The following CMTM4 variants were observed in gnomAD, a reference collection of about 807,000 sequenced individuals.
The protein encoded by CMTM4 is CKLF like MARVEL transmembrane domain containing 4.
CMTM4 carries 8 observed loss-of-function variants against 19.0 expected under a neutral mutation model. That is an observed-to-expected ratio of 0.42 (90% CI 0.25 to 0.76). The LOEUF is 0.76. Ranked by LOEUF, CMTM4 falls within the 30% of genes least tolerant of loss-of-function variation. The pLI is 0.27. For missense variants in CMTM4, 228 were observed against 290.2 expected, an observed-to-expected ratio of 0.79 and a Z score of 1.56; for synonymous variants, 106 against 121.1, an observed-to-expected ratio of 0.88 and a Z score of 0.82.
chr16:66,617,290 C>CAGTG lies in CMTM4; in HGVS notation c.*4764_*4767dup, dbSNP rs756246742. 169 of 1,613,984 alleles carry CAGTG rather than the reference C, an allele frequency of 1.0e-4. 1 individual carries two copies. The East Asian group carries it at 3.7e-3, about 36-fold the overall frequency. On this transcript the variant is annotated 3_prime_UTR_variant, in exon 4 of 4. Coordinates refer to ENST00000394106, the MANE Select transcript of CMTM4 (RefSeq NM_181521.3). ...ATCTGAACTTTTCTAGGCAAGTTGC[C>CAGTG]AGTGATTCAAACTCAGCAGGTTTGT...
intron 1 of CMTM4, among the ~76,000 whole-genome samples, chr16:66,683,161 G>GTATATATATATACATATA (rs2016956388): frequency 1.2e-5 from 1 of 81,504 alleles, no homozygotes; most frequent in Non-Finnish European, 2.4e-5. Context: ...ATATATATAC[G>GTATATATATATACATATA]TATATATATA....
chr16:66,630,754 C>T (rs541951882), intron 2 of CMTM4, among the ~76,000 whole-genome samples: 63 of 151,926 alleles, frequency 4.1e-4, no homozygotes, highest in African/African-American at 1.4e-3. Context: ...TCTGCCCGGC[C>T]GCCCATCGTC....
Position 66,615,299 on chromosome 16 carries a change from T to C in CMTM4, c.*6759A>G, listed in dbSNP as rs1596894084. 1 of 152,234 alleles carries C rather than the reference T, an allele frequency of 6.6e-6. No individual in the cohort carries two copies. Among genetic ancestry groups the C allele is most frequent in the Admixed American group, 6.5e-5 (1 of 15,286 alleles). 9.4% of individuals were successfully genotyped at this position (152,234 alleles called of 1,614,324 possible). On this transcript the variant is annotated 3_prime_UTR_variant, in exon 4 of 4. Transcript: ENST00000394106. This position sits in a 1 kb window ranked among gnomAD's most constrained non-coding sequence, Gnocchi z 4.9. Reference sequence around the variant, plus strand: ...CTTCCTTGGTTATCAAATAATTACATATTCTGACCCTTCAGAAGGACACCA... The same window carrying C: ...CTTCCTTGGTTATCAAATAATTACACATTCTGACCCTTCAGAAGGACACCA...
At chr16:66,656,066 A>G (rs904715322) in intron 1 of CMTM4, among the ~76,000 whole-genome samples, 1 of 152,260 alleles carries the variant, frequency 6.6e-6, no homozygotes, top group South Asian at 2.1e-4. Flanking sequence ...GATTGTGCCA[A>G]TGCATTCTAG....
At chr16:66,609,554 G>C in the CMTM4 span, 14 of 1,569,822 alleles carry the variant, frequency 8.9e-6, no homozygotes, top group Non-Finnish European at 1.2e-5. The surrounding 1 kb of genome is among the most constrained non-coding windows in gnomAD (Gnocchi z 4.4). Context: ...CCACCCCTCT[G>C]GAAACTGCAG....
Position 66,652,791 on chromosome 16 carries a change from G to A in CMTM4, c.187-16210C>T, listed in dbSNP as rs35647827. Among the ~76,000 whole-genome samples, 1,360 of 152,300 alleles carry A rather than the reference G, an allele frequency of 8.9e-3. 14 individuals are homozygous for A. The highest frequency in any genetic ancestry group is 0.048 in the Middle Eastern group (14 of 294). On this transcript the variant is annotated intron_variant, in intron 1 of 3. Coordinates refer to ENST00000394106, the MANE Select transcript of CMTM4 (RefSeq NM_181521.3). ...AAGAAAATCCAGAAATCCTTATTAT[G>A]TGGTTTGATGATATAACTGCACATG...
chr16:66,609,462 C>T, the CMTM4 span: 4 of 1,613,064 alleles, frequency 2.5e-6, no homozygotes, highest in Non-Finnish European at 3.4e-6. This position sits in a 1 kb window ranked among gnomAD's most constrained non-coding sequence, Gnocchi z 4.4. Context: ...CACCGCGGCC[C>T]TCATCTACTT....
chr16:66,659,228 A>T (rs1177070445), intron 1 of CMTM4, among the ~76,000 whole-genome samples: 2 of 152,084 alleles, frequency 1.3e-5, no homozygotes, highest in African/African-American at 4.8e-5. Flanking sequence ...TACAAAAATT[A>T]GCTGGGCATG....
In CMTM4 at chr16:66,621,493, G is replaced by C; in HGVS notation, c.*565C>G. 3.0e-6 allele frequency: 3 copies of C among 986,140 alleles called. No individual in the cohort carries two copies. Among genetic ancestry groups the C allele is most frequent in the Non-Finnish European group, 3.6e-6 (3 of 830,136 alleles). The allele number at this position is 986,140 out of a possible 1,614,324, so 61.1% of individuals were successfully genotyped here. A position where few individuals can be genotyped will look rare whatever the true frequency, so the allele number is the denominator to read the frequency against. ...CAAAAGGTCACCCTTCCTTGAGTCA[G>C]AGGTCCCTGGGAGCCATCCTAACAG... On this transcript the variant is annotated 3_prime_UTR_variant, in exon 4 of 4. Coordinates refer to ENST00000394106, the MANE Select transcript of CMTM4 (RefSeq NM_181521.3).
At chr16:66,667,619 G>A (rs1371435654) in intron 1 of CMTM4, among the ~76,000 whole-genome samples, 1 of 152,192 alleles carries the variant, frequency 6.6e-6, no homozygotes, top group Non-Finnish European at 1.5e-5. Context: ...GCCGAGTGCG[G>A]TGGCTCATGC....
At chr16:66,655,543 G>A (rs903631946) in intron 1 of CMTM4, among the ~76,000 whole-genome samples, 2 of 150,374 alleles carry the variant, frequency 1.3e-5, no homozygotes, top group African/African-American at 4.9e-5. Context: ...GTGTGTGTGT[G>A]TGTTTATTTA....
chr16:66,625,157 G>A (rs953999432), intron 2 of CMTM4, among the ~76,000 whole-genome samples: 1 of 151,984 alleles, frequency 6.6e-6, no homozygotes, highest in Non-Finnish European at 1.5e-5. Flanking sequence ...CAAACAGGCC[G>A]GGCACGGTGG....
intron 2 of CMTM4, among the ~76,000 whole-genome samples, chr16:66,627,872 G>A (rs1207150863): frequency 1.3e-5 from 2 of 152,124 alleles, no homozygotes; most frequent in Non-Finnish European, 2.9e-5. Context: ...CCAAGGACCT[G>A]CCCCGGCACC....
Position 66,663,853 on chromosome 16 carries a change from T to C in CMTM4, c.187-27272A>G, listed in dbSNP as rs528102043. 1.2e-4 allele frequency among the ~76,000 whole-genome samples: 18 copies of C among 152,296 alleles called. No homozygotes were observed. The South Asian group carries it at 2.3e-3, about 19-fold the overall frequency. ...AACACACCCGGCCCATTTGCTTCTT[T>C]ATATCTTCTATTTCTTAGCTGAGAC... On this transcript the variant is annotated intron_variant, in intron 1 of 3. Coordinates refer to ENST00000394106, the MANE Select transcript of CMTM4 (RefSeq NM_181521.3).
intron 1 of CMTM4, among the ~76,000 whole-genome samples, chr16:66,653,414 TTG>T (rs1307729893): frequency 1.3e-5 from 2 of 152,158 alleles, no homozygotes; most frequent in Non-Finnish European, 2.9e-5. Flanking sequence ...GAGAGAGGTC[TTG>T]GAACCAGTCT....
In CMTM4 at chr16:66,618,922, C is replaced by T. The variant is rs2015576682; in HGVS notation, c.*3136G>A. The T allele has an allele frequency of 1.0e-6, 1 of 985,502 alleles. No homozygotes were observed. The highest frequency in any genetic ancestry group is 1.2e-6 in the Non-Finnish European group (1 of 829,956). The allele number at this position is 985,502 out of a possible 1,614,324, so 61.0% of individuals were successfully genotyped here. A position where few individuals can be genotyped will look rare whatever the true frequency, so the allele number is the denominator to read the frequency against. On this transcript the variant is annotated 3_prime_UTR_variant, in exon 4 of 4. Transcript: ENST00000394106. ...CAGGGCCAAGCGCTCAGAGCTGGGC[C>T]GGACTTGCCCATGCTGGCTTCAGCT...
intron 1 of CMTM4, among the ~76,000 whole-genome samples, chr16:66,678,832 A>G (rs569195885): frequency 3.3e-5 from 5 of 152,224 alleles, no homozygotes; most frequent in Non-Finnish European, 7.4e-5. Context: ...TTTGGCCAGG[A>G]GCAGTGGCTC....
At chr16:66,630,297 CCCCTCCCCCTCA>C (rs1430358115) in intron 2 of CMTM4, among the ~76,000 whole-genome samples, 1 of 110,204 alleles carries the variant, frequency 9.1e-6, no homozygotes, top group Non-Finnish European at 1.9e-5. Context: ...TCTCCCTCTC[CCCCTCCCCCTCA>C]CCCTCCCCCT....
At chr16:66,663,284 GATGCCA>G (rs1173227060) in intron 1 of CMTM4, among the ~76,000 whole-genome samples, 7 of 152,150 alleles carry the variant, frequency 4.6e-5, no homozygotes, top group African/African-American at 7.2e-5. Context: ...ACAATCAACA[GATGCCA>G]ATGCCAAGAT....
Sources: allele counts gnomAD v4.1 joint callset (sites outside exome capture counted in the v4.1 genomes callset), GRCh38; gene constraint gnomAD v4.1.1; non-coding constraint Gnocchi (gnomAD v3.1); transcripts MANE v1.5; gene names NCBI Gene and HGNC (gene_info 2026-07-23, HGNC 2026-07-21).